Variants in GPC5 observed in about 807,000 individuals in gnomAD.
GPC5 encodes the protein glypican 5, also known as glypican-5.
A neutral mutation model predicts 53.9 loss-of-function variants in GPC5; 47 were observed. The observed-to-expected ratio is 0.87, with a 90% confidence interval of 0.69 to 1.11. GPC5 has a LOEUF of 1.11. Among genes scored for constraint, GPC5 ranks in the 50% most tolerant of loss-of-function variants. The probability of loss-of-function intolerance (pLI) is 0.00; values close to 1 mark genes in which losing one functional copy is unlikely to be tolerated. For synonymous variants in GPC5, 286 were observed against 263.3 expected (o/e 1.09, Z -0.84); for missense variants, 748 against 713.1 (o/e 1.05, Z -0.56).
rs557723923 is a variant in GPC5, at chr13:92,229,052, T to C, written c.1561+84063T>C. ...ACAAGAAAGAAAAAGTGATAGACTA[T>C]ATGGCTCAGCAGTGAGCAGTATGTA... On this transcript the variant is annotated intron_variant, in intron 7 of 7. Coordinates refer to ENST00000377067, the MANE Select transcript of GPC5 (RefSeq NM_004466.6). Among the ~76,000 whole-genome samples, 3 of 152,266 alleles carry C rather than the reference T, an allele frequency of 2.0e-5. No individual in the cohort carries two copies. In the East Asian group the frequency reaches 5.8e-4, roughly 29 times the overall value.
rs1284588959 is a variant in GPC5, at chr13:92,147,198, T to A, written c.1561+2209T>A. On this transcript the variant is annotated intron_variant, in intron 7 of 7. Coordinates refer to ENST00000377067, the MANE Select transcript of GPC5 (RefSeq NM_004466.6). ...AAAAGGGTTTTCACTAGAAACAATT[T>A]TTTTTTTACTAAAAGCTAAAATATC... 2.6e-5 allele frequency among the ~76,000 whole-genome samples: 4 copies of A among 152,022 alleles called. No individual in the cohort carries two copies. In the East Asian group the frequency reaches 7.7e-4, roughly 29 times the overall value.
At chr13:92,655,985 AT>A (rs1886122012) in intron 7 of GPC5, among the ~76,000 whole-genome samples, 1 of 152,202 alleles carries the variant, frequency 6.6e-6, no homozygotes, top group Admixed American at 6.5e-5. Context: ...GAATAAGACA[AT>A]TTCCCTGACT....
chr13:91,623,463 G>A (rs189885951), intron 2 of GPC5, among the ~76,000 whole-genome samples: 1 of 152,130 alleles, frequency 6.6e-6, no homozygotes, highest in Non-Finnish European at 1.5e-5. Context: ...TGCGTCTAGG[G>A]GGCATCACTC....
intron 7 of GPC5, among the ~76,000 whole-genome samples, chr13:92,526,334 A>C (rs1305362191): frequency 6.6e-6 from 1 of 152,114 alleles, no homozygotes; most frequent in East Asian, 1.9e-4. Flanking sequence ...GTGCTTTCAT[A>C]ACCTGAGGTC....
intron 7 of GPC5, among the ~76,000 whole-genome samples, chr13:92,270,598 A>G (rs556247819): frequency 2.0e-5 from 3 of 152,334 alleles, no homozygotes; most frequent in African/African-American, 7.2e-5. Flanking sequence ...TACCAATGCA[A>G]GAACAGAGTA....
At chr13:92,829,370 A>T (rs1877969344) in intron 7 of GPC5, among the ~76,000 whole-genome samples, 1 of 152,224 alleles carries the variant, frequency 6.6e-6, no homozygotes. Flanking sequence ...CAATTAAGAC[A>T]TGTTTAAGTT....
At chr13:92,216,231 G>A (rs2042409270) in intron 7 of GPC5, among the ~76,000 whole-genome samples, 1 of 152,178 alleles carries the variant, frequency 6.6e-6, no homozygotes, top group Non-Finnish European at 1.5e-5. Context: ...TGCAAAACAA[G>A]ATTAAAAATA....
chr13:91,571,583 G>A (rs367696369), intron 2 of GPC5, among the ~76,000 whole-genome samples: 1 of 151,670 alleles, frequency 6.6e-6, no homozygotes, highest in South Asian at 2.1e-4. Context: ...AAAGTAGCTG[G>A]GTGTGGTGGC....
At chr13:92,109,034 G>A (rs903312806) in intron 6 of GPC5, among the ~76,000 whole-genome samples, 22 of 146,054 alleles carry the variant, frequency 1.5e-4, no homozygotes, top group African/African-American at 4.8e-4. Flanking sequence ...TTCTTGTAGC[G>A]CCTTCTATGT....
intron 2 of GPC5, among the ~76,000 whole-genome samples, chr13:91,537,871 G>A (rs766731808): frequency 5.9e-5 from 9 of 152,164 alleles, no homozygotes; most frequent in African/African-American, 1.7e-4. Context: ...AGTTCAACTC[G>A]TAGATACATA....
At chr13:92,269,555 G>T (rs1292785043) in intron 7 of GPC5, among the ~76,000 whole-genome samples, 4 of 152,068 alleles carry the variant, frequency 2.6e-5, no homozygotes, top group Admixed American at 2.6e-4. Context: ...ACAGGCATCT[G>T]CCACCATGCC....
chr13:92,159,523 T>C (rs1012084674), intron 7 of GPC5, among the ~76,000 whole-genome samples: 1 of 151,582 alleles, frequency 6.6e-6, no homozygotes, highest in Non-Finnish European at 1.5e-5. Context: ...CCCTAGATGC[T>C]GGTTATCCTA....
intron 7 of GPC5, among the ~76,000 whole-genome samples, chr13:92,249,042 G>C (rs1416793829): frequency 6.6e-6 from 1 of 151,818 alleles, no homozygotes; most frequent in Non-Finnish European, 1.5e-5. Context: ...AATTTTTTGT[G>C]GGTATATAGT....
intron 7 of GPC5, among the ~76,000 whole-genome samples, chr13:92,451,214 A>C (rs1263554698): frequency 6.6e-6 from 1 of 152,218 alleles, no homozygotes; most frequent in East Asian, 1.9e-4. Context: ...AGTGGTAGGC[A>C]GGATTCAAAA....
chr13:92,771,052 G>A (rs1317101526), intron 7 of GPC5, among the ~76,000 whole-genome samples: 1 of 152,124 alleles, frequency 6.6e-6, no homozygotes, highest in African/African-American at 2.4e-5. Context: ...AAGCCTAGTG[G>A]GAAGAGAAGA....
chr13:92,534,385 C>G (rs1186031283), intron 7 of GPC5, among the ~76,000 whole-genome samples: 1 of 152,076 alleles, frequency 6.6e-6, no homozygotes, highest in African/African-American at 2.4e-5. Context: ...ACTTCTGCAC[C>G]AAGTAAGAAC....
chr13:91,399,272 G>A (rs1164350909), intron 1 of GPC5, 63 bp downstream of exon 1: 2 of 1,556,182 alleles, frequency 1.3e-6, no homozygotes, highest in East Asian at 2.3e-5. Flanking sequence ...GCTCCCCCAG[G>A]CTCCCTTGGT....
chr13:92,803,585 T>C (rs1876987050), intron 7 of GPC5, among the ~76,000 whole-genome samples: 1 of 151,978 alleles, frequency 6.6e-6, no homozygotes, highest in South Asian at 2.1e-4. Flanking sequence ...TCACCTAAGG[T>C]CTTGTATTAA....
At chr13:91,759,184 A>G (rs964263361) in intron 5 of GPC5, among the ~76,000 whole-genome samples, 1 of 152,152 alleles carries the variant, frequency 6.6e-6, no homozygotes, top group Non-Finnish European at 1.5e-5. Context: ...TTAAAAAATT[A>G]ACTTAAAATT....
Sources: gnomAD v4.1 joint callset for allele counts (sites outside exome capture counted in the v4.1 genomes callset) on GRCh38, gnomAD v4.1.1 for gene constraint, MANE v1.5 for transcripts, NCBI Gene and HGNC (gene_info 2026-07-23, HGNC 2026-07-21) for gene names.